The following PGR variants were observed in gnomAD, a reference collection of about 807,000 sequenced individuals.
The protein encoded by PGR is nuclear receptor subfamily 3 group C member 3.
In PGR, 25 loss-of-function variants were observed where a neutral mutation model predicts 76.1. That is an observed-to-expected ratio of 0.33 (90% CI 0.24 to 0.46). The LOEUF (loss-of-function observed/expected upper bound fraction) is 0.46. PGR is among the 20% of genes least tolerant of loss of function. PGR has a pLI of 1.00. For missense variants in PGR, 1,172 were observed against 1,225.3 expected, an observed-to-expected ratio of 0.96 and a Z score of 0.65; for synonymous variants, 579 against 535.0, an observed-to-expected ratio of 1.08 and a Z score of -1.14.
intron 4 of PGR, among the ~76,000 whole-genome samples, chr11:101,059,692 C>T (rs1292440967): frequency 6.6e-6 from 1 of 150,910 alleles, no homozygotes; most frequent in Non-Finnish European, 1.5e-5. Context: ...AAAATTTAGC[C>T]AAGCAAGGTG....
intron 5 of PGR, among the ~76,000 whole-genome samples, chr11:101,050,445 T>C (rs560899235): frequency 8.1e-4 from 124 of 152,232 alleles, no homozygotes; most frequent in South Asian, 1.7e-3. Flanking sequence ...TTATTTTCTA[T>C]GAAAAATTAT....
intron 2 of PGR, among the ~76,000 whole-genome samples, chr11:101,096,584 TG>T (rs1234294784): frequency 6.6e-6 from 1 of 152,116 alleles, no homozygotes; most frequent in Non-Finnish European, 1.5e-5. Flanking sequence ...TTCAGGTACC[TG>T]GCTGTATATG....
intron 3 of PGR, among the ~76,000 whole-genome samples, chr11:101,073,331 G>A (rs770499874): frequency 1.3e-5 from 2 of 152,112 alleles, no homozygotes; most frequent in Non-Finnish European, 2.9e-5. Context: ...AGCAGTGTTT[G>A]TTTAGAGGGA....
intron 2 of PGR, among the ~76,000 whole-genome samples, chr11:101,116,672 A>AGGTT (rs1324739288): frequency 6.7e-6 from 1 of 149,626 alleles, no homozygotes; most frequent in East Asian, 2.0e-4. Flanking sequence ...CCAGGGAGGC[A>AGGTT]CAGGTTGCAG....
intron 2 of PGR, among the ~76,000 whole-genome samples, chr11:101,125,697 T>C (rs566083204): frequency 1.6e-4 from 25 of 152,300 alleles, no homozygotes; most frequent in African/African-American, 5.3e-4. Flanking sequence ...AAAAGTACTA[T>C]TAGAACAAAG....
chr11:101,089,216 A>G (rs1861596322), intron 3 of PGR, among the ~76,000 whole-genome samples: 1 of 152,048 alleles, frequency 6.6e-6, no homozygotes, highest in Non-Finnish European at 1.5e-5. Flanking sequence ...GATAGCTGGA[A>G]AAAAATGGTC....
Position 101,127,709 on chromosome 11 carries a change from C to G in PGR, c.1362G>C (p.Ser454=), listed in dbSNP as rs1436546357. The G allele has an allele frequency of 1.9e-6, 3 of 1,584,230 alleles. No homozygotes were observed. The highest frequency in any genetic ancestry group is 3.5e-5 in the Admixed American group (2 of 57,800). The change falls in exon 1 of 8, where the codon TCG becomes TCC. Residue 454 remains serine (S), a synonymous_variant. Transcript: ENST00000325455. ...ASASVSSASS[S]GSTLECILYK... ...ACAGGATGCACTCCAGGGTCGACCCCGAGGAGGACGCAGACGAGACTGAGG... is the reference window on the plus strand; with the variant it reads ...ACAGGATGCACTCCAGGGTCGACCCGGAGGAGGACGCAGACGAGACTGAGG...
intron 2 of PGR, among the ~76,000 whole-genome samples, chr11:101,108,484 A>G (rs1326025252): frequency 6.6e-6 from 1 of 152,158 alleles, no homozygotes; most frequent in South Asian, 2.1e-4. Context: ...AATAATAATA[A>G]ATTTTAAAAG....
At chr11:101,108,418 G>A (rs1013826384) in intron 2 of PGR, among the ~76,000 whole-genome samples, 3 of 152,052 alleles carry the variant, frequency 2.0e-5, no homozygotes, top group Non-Finnish European at 4.4e-5. Flanking sequence ...CTTCAGCCCA[G>A]GAGTTCAAGG....
intron 3 of PGR, among the ~76,000 whole-genome samples, chr11:101,072,208 T>C (rs1477073010): frequency 6.6e-6 from 1 of 152,130 alleles, no homozygotes; most frequent in Non-Finnish European, 1.5e-5. Context: ...CAACCCAGAA[T>C]TTCATATCCA....
chr11:101,120,465 G>GTT (rs1284869752), intron 2 of PGR, among the ~76,000 whole-genome samples: 2 of 151,968 alleles, frequency 1.3e-5, no homozygotes, highest in African/African-American at 4.8e-5. Context: ...TACAAAAAGG[G>GTT]TTTACTCAAG....
rs748082098 is a variant in PGR at position 101,128,468 on chromosome 11, C to T, written c.603G>A (p.Glu201=). The T allele has an allele frequency of 1.6e-5, 25 of 1,608,648 alleles. No homozygotes were observed. In the East Asian group the frequency reaches 4.2e-4, roughly 27 times the overall value. The change falls in exon 1 of 8, where the codon GAG becomes GAA. Residue 201 remains glutamate, a synonymous_variant. Transcript: ENST00000325455. ...CTGGGGCCCCGGACCAGTGAGGGCT[C>T]TCAGAGGCCGGGAGCAGCAGCTGCC... ...PARQLLLPAS[E]SPHWSGAPVK... is the part of the protein sequence containing the mutation.
intron 6 of PGR, 151 bp from the exon 7 acceptor site, chr11:101,042,253 T>C: frequency 2.9e-6 from 2 of 692,572 alleles, no homozygotes; most frequent in Non-Finnish European, 4.9e-6. Flanking sequence ...GTGTTATTGA[T>C]ATCACTATCA....
At chr11:101,084,199 C>T (rs2135444707) in intron 3 of PGR, among the ~76,000 whole-genome samples, 1 of 152,306 alleles carries the variant, frequency 6.6e-6, no homozygotes, top group South Asian at 2.1e-4. Flanking sequence ...GCTTCCCCTT[C>T]ACCTTCTGCC....
At chr11:101,085,029 A>G (rs1433229542) in intron 3 of PGR, among the ~76,000 whole-genome samples, 2 of 152,214 alleles carry the variant, frequency 1.3e-5, no homozygotes, top group African/African-American at 4.8e-5. Flanking sequence ...TTAGATCATC[A>G]AGGCAGAAGA....
intron 6 of PGR, among the ~76,000 whole-genome samples, chr11:101,043,830 G>A (rs541780644): frequency 6.6e-6 from 1 of 152,300 alleles, no homozygotes; most frequent in Admixed American, 6.5e-5. Flanking sequence ...AGTCTCAATA[G>A]TGGGTCAAAA....
intron 3 of PGR, among the ~76,000 whole-genome samples, chr11:101,078,359 C>A (rs917236304): frequency 2.0e-5 from 3 of 152,190 alleles, no homozygotes; most frequent in African/African-American, 7.2e-5. Flanking sequence ...TTCATTTAAT[C>A]ATTCTTTTAT....
At chr11:101,110,081 A>G (rs1447991833) in intron 2 of PGR, among the ~76,000 whole-genome samples, 1 of 152,170 alleles carries the variant, frequency 6.6e-6, no homozygotes, top group Non-Finnish European at 1.5e-5. Context: ...GCTTAGAAAA[A>G]AAAATTCCCA....
At chr11:101,082,721 T>G (rs1861352488) in intron 3 of PGR, among the ~76,000 whole-genome samples, 1 of 152,186 alleles carries the variant, frequency 6.6e-6, no homozygotes, top group Non-Finnish European at 1.5e-5. Flanking sequence ...GCATTCCAGA[T>G]GTATGTGACC....
Sources: gnomAD v4.1 joint callset for allele counts (sites outside exome capture counted in the v4.1 genomes callset) on GRCh38, gnomAD v4.1.1 for gene constraint, MANE v1.5 for transcripts, NCBI Gene and HGNC (gene_info 2026-07-23, HGNC 2026-07-21) for gene names.